SPOCK3: variants seen among roughly 807,000 people sequenced by gnomAD.
The protein encoded by SPOCK3 is SPARC (osteonectin), cwcv and kazal like domains proteoglycan 3.
Under a neutral mutation model 56.6 loss-of-function variants are expected in SPOCK3, and 30 were observed. That is an observed-to-expected ratio of 0.53 (90% confidence interval 0.40 to 0.72). SPOCK3 has a LOEUF of 0.72. SPOCK3 is among the 30% of genes least tolerant of loss of function. The probability of loss-of-function intolerance (pLI) is 0.00; values close to 1 mark genes in which losing one functional copy is unlikely to be tolerated. For missense variants in SPOCK3, 527 were observed against 530.0 expected (o/e 0.99, Z 0.06); for synonymous variants, 196 against 183.3 (o/e 1.07, Z -0.56).
chr4:167,223,514 G>C (rs954025251), intron 2 of SPOCK3, among the ~76,000 whole-genome samples: 1 of 151,720 alleles, frequency 6.6e-6, no homozygotes, highest in African/African-American at 2.4e-5. Flanking sequence ...TGTGTTTAAG[G>C]ACAAAGTCTT....
At chr4:166,949,292 C>G (rs939821929) in intron 4 of SPOCK3, among the ~76,000 whole-genome samples, 1 of 152,156 alleles carries the variant, frequency 6.6e-6, no homozygotes, top group Non-Finnish European at 1.5e-5. Context: ...GTTTGAATTT[C>G]CTCCTGTAGC....
chr4:166,860,802 C>T (rs952231629), intron 6 of SPOCK3, among the ~76,000 whole-genome samples: 8 of 101,932 alleles, frequency 7.8e-5, no homozygotes, highest in Non-Finnish European at 1.0e-4. Context: ...CACACAAATT[C>T]ATATATATAT....
chr4:167,111,553 A>C (rs2150347827), intron 2 of SPOCK3, among the ~76,000 whole-genome samples: 1 of 152,260 alleles, frequency 6.6e-6, no homozygotes, highest in Middle Eastern at 3.4e-3. Context: ...CCAGATACTA[A>C]AAGTAAATAT....
chr4:167,123,541 A>G (rs1049832478), intron 2 of SPOCK3, among the ~76,000 whole-genome samples: 59 of 152,034 alleles, frequency 3.9e-4, no homozygotes, highest in African/African-American at 1.4e-3. Context: ...ATAGTTTACA[A>G]TAGCCATTAT....
chr4:166,933,815 T>A (rs1346391740), intron 4 of SPOCK3, among the ~76,000 whole-genome samples: 1 of 152,188 alleles, frequency 6.6e-6, no homozygotes, highest in Non-Finnish European at 1.5e-5. Context: ...TTCTTGGTTA[T>A]CTAAGTTCAG....
chr4:166,952,195 G>T (rs1429781792), intron 4 of SPOCK3, among the ~76,000 whole-genome samples: 1 of 152,090 alleles, frequency 6.6e-6, no homozygotes, highest in East Asian at 1.9e-4. Flanking sequence ...CATTGTCTCA[G>T]CCCAAAATCT....
At chr4:167,150,066 T>C (rs995450125) in intron 2 of SPOCK3, among the ~76,000 whole-genome samples, 6 of 152,142 alleles carry the variant, frequency 3.9e-5, no homozygotes, top group Non-Finnish European at 7.4e-5. Context: ...GTTCTCTTGA[T>C]GTGTAACTAA....
intron 5 of SPOCK3, among the ~76,000 whole-genome samples, chr4:166,890,248 G>A (rs1734632747): frequency 6.6e-6 from 1 of 151,856 alleles, no homozygotes; most frequent in Non-Finnish European, 1.5e-5. Flanking sequence ...AGATAAATAA[G>A]TGGTCTAGAA....
At chr4:166,898,084 C>T (rs1735591439) in intron 5 of SPOCK3, among the ~76,000 whole-genome samples, 2 of 152,028 alleles carry the variant, frequency 1.3e-5, no homozygotes, top group Admixed American at 6.6e-5. Context: ...CCTGTAGTCC[C>T]AGCTACTCAG....
At chr4:166,787,169 T>C (rs1223069745) in intron 7 of SPOCK3, among the ~76,000 whole-genome samples, 1 of 152,186 alleles carries the variant, frequency 6.6e-6, no homozygotes, top group Non-Finnish European at 1.5e-5. Context: ...TTCTAGATAG[T>C]AAAAATGACC....
intron 8 of SPOCK3, among the ~76,000 whole-genome samples, chr4:166,747,025 A>G (rs911290713): frequency 1.3e-5 from 2 of 152,186 alleles, no homozygotes; most frequent in Non-Finnish European, 2.9e-5. Context: ...CCAGGACCAG[A>G]TGGATTCACA....
At chr4:167,180,803 C>T (rs1489038840) in intron 2 of SPOCK3, among the ~76,000 whole-genome samples, 1 of 151,888 alleles carries the variant, frequency 6.6e-6, no homozygotes, top group East Asian at 1.9e-4. Context: ...TAAGAACGTC[C>T]ATGTAAGAGA....
chr4:167,105,232 A>T (rs1002454621), intron 2 of SPOCK3, among the ~76,000 whole-genome samples: 2 of 151,956 alleles, frequency 1.3e-5, no homozygotes, highest in African/African-American at 4.8e-5. Flanking sequence ...TAAGAACTAC[A>T]ACAACTTTCC....
intron 8 of SPOCK3, among the ~76,000 whole-genome samples, chr4:166,748,079 CAATGCCATCCCCTTCAAGCT>C: frequency 6.6e-6 from 1 of 151,852 alleles, no homozygotes; most frequent in East Asian, 1.9e-4. Flanking sequence ...TTTATAGATT[CAATGCCATCCCCTTCAAGCT>C]ACCAATGACT....
chr4:167,160,867 T>C (rs1765239095), intron 2 of SPOCK3, among the ~76,000 whole-genome samples: 1 of 152,150 alleles, frequency 6.6e-6, no homozygotes, highest in South Asian at 2.1e-4. Context: ...ATCCCTTCCT[T>C]ACACCTTATA....
chr4:167,134,856 A>C (rs1762987025), intron 2 of SPOCK3, among the ~76,000 whole-genome samples: 1 of 151,988 alleles, frequency 6.6e-6, no homozygotes, highest in South Asian at 2.1e-4. Context: ...CCTAGCTTGG[A>C]TTATTTCTCA....
chr4:167,117,505 C>A (rs537820985), intron 2 of SPOCK3, among the ~76,000 whole-genome samples: 1 of 152,116 alleles, frequency 6.6e-6, no homozygotes, highest in African/African-American at 2.4e-5. Flanking sequence ...GTGAGGGGAA[C>A]CCCCCACCCA....
intron 2 of SPOCK3, among the ~76,000 whole-genome samples, chr4:167,142,927 A>G (rs1763651923): frequency 6.6e-6 from 1 of 151,964 alleles, no homozygotes; most frequent in African/African-American, 2.4e-5. Flanking sequence ...GGTCCTCATG[A>G]TGATAAAAGG....
intron 3 of SPOCK3, among the ~76,000 whole-genome samples, chr4:167,001,804 A>G (rs1748980000): frequency 6.6e-6 from 1 of 152,194 alleles, no homozygotes; most frequent in African/African-American, 2.4e-5. Flanking sequence ...AATATGCAGA[A>G]GTATTTGGAA....
Sources: allele counts gnomAD v4.1 joint callset (sites outside exome capture counted in the v4.1 genomes callset), GRCh38; gene constraint gnomAD v4.1.1; transcripts MANE v1.5; gene names NCBI Gene and HGNC (gene_info 2026-07-23, HGNC 2026-07-21).